CCBE1: variants seen among roughly 807,000 people sequenced by gnomAD.
The protein encoded by CCBE1 is collagen and calcium binding EGF domains 1.
Under a neutral mutation model 50.0 loss-of-function variants are expected in CCBE1, and 37 were observed. The ratio of observed to expected loss-of-function variants is 0.74; its 90% CI spans 0.57 to 0.97. CCBE1 has a LOEUF of 0.97. Ranked by LOEUF, CCBE1 falls within the 50% of genes least tolerant of loss-of-function variation. The pLI is 0.00. For missense variants in CCBE1, 538 were observed against 523.8 expected (o/e 1.03, Z -0.26); for synonymous variants, 234 against 203.7 (o/e 1.15, Z -1.27).
At chr18:59,516,714 T>C (rs1184608111) in intron 2 of CCBE1, among the ~76,000 whole-genome samples, 1 of 152,184 alleles carries the variant, frequency 6.6e-6, no homozygotes, top group African/African-American at 2.4e-5. Flanking sequence ...TTTTACAACA[T>C]GACCTAGTTC....
chr18:59,535,805 G>A (rs561549569), intron 2 of CCBE1, among the ~76,000 whole-genome samples: 34 of 152,252 alleles, frequency 2.2e-4, no homozygotes, highest in East Asian at 7.7e-4. Context: ...TAAGAAAAAC[G>A]TACATATATA....
intron 2 of CCBE1, among the ~76,000 whole-genome samples, chr18:59,499,931 A>G: frequency 6.6e-6 from 1 of 152,180 alleles, no homozygotes; most frequent in Non-Finnish European, 1.5e-5. Flanking sequence ...TTAGGCCAGT[A>G]TCTTCCTAGG....
At chr18:59,543,070 T>C (rs1363358769) in intron 2 of CCBE1, among the ~76,000 whole-genome samples, 2 of 152,182 alleles carry the variant, frequency 1.3e-5, no homozygotes, top group Admixed American at 1.3e-4. Flanking sequence ...AATTTTGGCT[T>C]CCTTCTCGGG....
rs373294335 is a variant in CCBE1 at position 59,460,534 on chromosome 18, T to C, written c.554-5583A>G. Among the ~76,000 whole-genome samples, 33 of 152,344 alleles carry C rather than the reference T, an allele frequency of 2.2e-4. No homozygotes were observed. The East Asian group carries it at 5.6e-3, about 26-fold the overall frequency. On this transcript the variant is annotated intron_variant, in intron 5 of 10. Coordinates refer to ENST00000439986, the MANE Select transcript of CCBE1 (RefSeq NM_133459.4). ...GCCTGTGACATTTCTTATTGCTGAA[T>C]TGAATGTTTGGATGTGTAATAATTC...
chr18:59,551,547 C>T (rs1915930897), intron 2 of CCBE1, among the ~76,000 whole-genome samples: 1 of 152,238 alleles, frequency 6.6e-6, no homozygotes, highest in Non-Finnish European at 1.5e-5. Flanking sequence ...TTTTCAGCTA[C>T]ATTATAACCT....
chr18:59,680,647 G>A (rs1262070353), intron 2 of CCBE1, among the ~76,000 whole-genome samples: 8 of 151,092 alleles, frequency 5.3e-5, no homozygotes, highest in Admixed American at 2.0e-4. Flanking sequence ...GCAGTGAGCC[G>A]AGATTGCTGC....
intron 2 of CCBE1, among the ~76,000 whole-genome samples, chr18:59,640,105 T>C (rs1054598239): frequency 1.3e-5 from 2 of 152,168 alleles, no homozygotes; most frequent in African/African-American, 2.4e-5. Flanking sequence ...AAACTACTAC[T>C]GACACTCTTC....
chr18:59,491,835 C>CA (rs146534978), intron 2 of CCBE1, among the ~76,000 whole-genome samples: 18 of 148,744 alleles, frequency 1.2e-4, no homozygotes, highest in South Asian at 2.1e-4. Flanking sequence ...AACAAACAAA[C>CA]AAAAAAAAAC....
chr18:59,530,131 CTG>C (rs1261074067), intron 2 of CCBE1, among the ~76,000 whole-genome samples: 2 of 152,086 alleles, frequency 1.3e-5, no homozygotes, highest in African/African-American at 4.8e-5. Flanking sequence ...CTTGTGGATT[CTG>C]TGTGTTTATA....
intron 2 of CCBE1, among the ~76,000 whole-genome samples, chr18:59,598,002 A>C (rs1315765916): frequency 6.6e-6 from 1 of 151,562 alleles, no homozygotes; most frequent in Non-Finnish European, 1.5e-5. Context: ...GAGAGAAGAA[A>C]GAAAGGAAAC....
intron 2 of CCBE1, among the ~76,000 whole-genome samples, chr18:59,579,970 C>G (rs1304880149): frequency 6.6e-6 from 1 of 152,190 alleles, no homozygotes; most frequent in African/African-American, 2.4e-5. Context: ...TGAAGCTCCT[C>G]TCTTTTCCAT....
At chr18:59,640,809 A>C (rs537111530) in intron 2 of CCBE1, among the ~76,000 whole-genome samples, 2 of 152,290 alleles carry the variant, frequency 1.3e-5, no homozygotes, top group Non-Finnish European at 2.9e-5. Flanking sequence ...AAACAACCCC[A>C]CTAAAAAGTG....
chr18:59,451,334 T>A (rs1016717167), intron 6 of CCBE1, among the ~76,000 whole-genome samples: 2 of 150,204 alleles, frequency 1.3e-5, no homozygotes, highest in African/African-American at 2.5e-5. Context: ...CAGGCTTGAG[T>A]GCCAGCCCTC....
intron 2 of CCBE1, among the ~76,000 whole-genome samples, chr18:59,611,660 C>G (rs561568070): frequency 4.6e-5 from 7 of 152,242 alleles, no homozygotes; most frequent in Admixed American, 2.0e-4. Flanking sequence ...GCAGCAGAAT[C>G]ACTTGAACCA....
intron 7 of CCBE1, among the ~76,000 whole-genome samples, chr18:59,446,299 T>C (rs7232559): frequency 0.32 from 48,528 of 152,158 alleles, 7,898 homozygotes; most frequent in Admixed American, 0.34. Context: ...GGTTTTGTTC[T>C]AGTGATCTAT....
chr18:59,619,526 C>T (rs1405907275), intron 2 of CCBE1, among the ~76,000 whole-genome samples: 1 of 152,204 alleles, frequency 6.6e-6, no homozygotes, highest in African/African-American at 2.4e-5. Context: ...ATAATACTTC[C>T]TTCCTCACTG....
chr18:59,651,421 C>T (rs542524348), intron 2 of CCBE1, among the ~76,000 whole-genome samples: 29 of 152,232 alleles, frequency 1.9e-4, no homozygotes, highest in Non-Finnish European at 4.1e-4. Flanking sequence ...AACGAGACTG[C>T]ATGCCAAACG....
At chr18:59,524,481 C>A (rs973637479) in intron 2 of CCBE1, among the ~76,000 whole-genome samples, 2 of 152,018 alleles carry the variant, frequency 1.3e-5, no homozygotes, top group African/African-American at 4.8e-5. Context: ...TATCCTTCAA[C>A]CAGAAGGATA....
intron 2 of CCBE1, chr18:59,564,057 T>C (rs993390163): frequency 1.3e-5 from 2 of 152,206 alleles, no homozygotes; most frequent in African/African-American, 4.8e-5. Flanking sequence ...AGGACAAACC[T>C]GAGATGGTGA....
Sources: gnomAD v4.1 joint callset for allele counts (sites outside exome capture counted in the v4.1 genomes callset) on GRCh38, gnomAD v4.1.1 for gene constraint, MANE v1.5 for transcripts, NCBI Gene and HGNC (gene_info 2026-07-23, HGNC 2026-07-21) for gene names.